The following SYNPR variants were observed in gnomAD, a reference collection of about 807,000 sequenced individuals.
SYNPR encodes synaptoporin.
A neutral mutation model predicts 32.9 loss-of-function variants in SYNPR; 23 were observed. That is an observed-to-expected ratio of 0.70 (90% confidence interval 0.50 to 0.99). SYNPR has a LOEUF of 0.99. Ranked by LOEUF, SYNPR falls within the 50% of genes least tolerant of loss-of-function variation. The pLI, the probability that SYNPR is intolerant of heterozygous loss-of-function variation, is 0.00. For missense variants in SYNPR, 318 were observed against 349.3 expected (o/e 0.91, Z 0.71); for synonymous variants, 146 against 135.9 (o/e 1.07, Z -0.52).
At position 63,414,261 on chromosome 3, in the gene SYNPR, G is replaced by A. The variant is rs151215661; in HGVS notation, c.85-66571G>A. Among the ~76,000 whole-genome samples, 26 of 152,164 alleles carry A rather than the reference G, an allele frequency of 1.7e-4. No individual in the cohort carries two copies. The East Asian group carries it at 5.0e-3, about 29-fold the overall frequency. On this transcript the variant is annotated intron_variant, in intron 2 of 5. Coordinates refer to ENST00000478300, the MANE Select transcript of SYNPR (RefSeq NM_001130003.2). ...AATGTAGTTGACAGTAATTAGTTTT[G>A]TGGGCTTTTTTCTTACAAATGTAAA...
chr3:63,466,455 T>G (rs903476090), intron 2 of SYNPR, among the ~76,000 whole-genome samples: 1 of 90,656 alleles, frequency 1.1e-5, no homozygotes, highest in African/African-American at 2.9e-5. Flanking sequence ...TCAGGATTTG[T>G]TTTTTTTTTT....
chr3:63,596,784 C>A (rs1484151400), intron 4 of SYNPR, among the ~76,000 whole-genome samples: 4 of 152,096 alleles, frequency 2.6e-5, no homozygotes, highest in Non-Finnish European at 5.9e-5. Context: ...CATTAATGAA[C>A]CCAAACAGGA....
At chr3:63,300,989 G>A (rs549364071) in intron 2 of SYNPR, among the ~76,000 whole-genome samples, 12 of 152,204 alleles carry the variant, frequency 7.9e-5, no homozygotes, top group East Asian at 1.9e-4. Context: ...AAAGGAAGAC[G>A]TAGAGTGTTG....
In SYNPR at chr3:63,444,930, G is replaced by A. The variant is rs560217829; in HGVS notation, c.85-35902G>A. Among the ~76,000 whole-genome samples, 6 of 150,254 alleles carry A rather than the reference G, an allele frequency of 4.0e-5. No homozygotes were observed. In the South Asian group the frequency reaches 1.3e-3, roughly 32 times the overall value. The stretch of plus-strand genomic sequence containing the variant: ...CGACAAACCTTAGCTGGAGCCAAGT[G>A]TATCTTAGCAGATAATTTGTTGGAA... On this transcript the variant is annotated intron_variant, in intron 2 of 5. Transcript: ENST00000478300.
Position 63,321,726 on chromosome 3 carries a change from C to T in SYNPR, c.84+42984C>T, listed in dbSNP as rs142159476. Reference sequence around the variant, plus strand: ...TAGGGAGTAAAGTCTGAAATTATAACCTCATGTCTTTGCACAGAAGTTCTC... The same window carrying T: ...TAGGGAGTAAAGTCTGAAATTATAATCTCATGTCTTTGCACAGAAGTTCTC... On this transcript the variant is annotated intron_variant, in intron 2 of 5. Coordinates refer to ENST00000478300, the MANE Select transcript of SYNPR (RefSeq NM_001130003.2). 3.0e-3 allele frequency among the ~76,000 whole-genome samples: 462 copies of T among 152,188 alleles called. 1 individual carries two copies. Among genetic ancestry groups the T allele is most frequent in the Non-Finnish European group, 4.9e-3 (330 of 67,970 alleles).
intron 2 of SYNPR, among the ~76,000 whole-genome samples, chr3:63,433,416 C>G (rs1700025749): frequency 6.6e-6 from 1 of 152,144 alleles, no homozygotes; most frequent in African/African-American, 2.4e-5. Context: ...AGAGGCACAG[C>G]TGAAGAAAGA....
chr3:63,607,425 C>T (rs972358681), intron 4 of SYNPR, among the ~76,000 whole-genome samples: 2 of 152,042 alleles, frequency 1.3e-5, no homozygotes, highest in Non-Finnish European at 2.9e-5. Context: ...TTTCTTTATT[C>T]CAAATGTTTG....
At chr3:63,593,569 T>C (rs956808775) in intron 4 of SYNPR, among the ~76,000 whole-genome samples, 1 of 152,106 alleles carries the variant, frequency 6.6e-6, no homozygotes, top group African/African-American at 2.4e-5. Context: ...CACAGATTAA[T>C]TGATAAAGTT....
intron 2 of SYNPR, among the ~76,000 whole-genome samples, chr3:63,257,948 C>T (rs1046469321): frequency 2.0e-5 from 3 of 152,054 alleles, no homozygotes; most frequent in African/African-American, 7.2e-5. Flanking sequence ...ATACTTTAAA[C>T]CAACAAAGAT....
chr3:63,517,036 G>A (rs192898933), intron 3 of SYNPR, among the ~76,000 whole-genome samples: 2 of 152,248 alleles, frequency 1.3e-5, no homozygotes, highest in Admixed American at 1.3e-4. Flanking sequence ...GATTCAAAAT[G>A]AACATAACCT....
intron 3 of SYNPR, chr3:63,267,562 T>C (rs2086500634): frequency 6.6e-6 from 1 of 152,148 alleles, no homozygotes; most frequent in African/African-American, 2.4e-5. Flanking sequence ...CTAAGGGCCC[T>C]CCTGCTCCAC....
At chr3:63,577,504 T>C (rs75772095) in intron 4 of SYNPR, among the ~76,000 whole-genome samples, 6 of 151,884 alleles carry the variant, frequency 4.0e-5, no homozygotes, top group Non-Finnish European at 7.4e-5. Context: ...GAAGGTCAAA[T>C]GTGAGAAAAA....
chr3:63,550,810 T>C (rs1337648153), intron 3 of SYNPR, among the ~76,000 whole-genome samples: 2 of 152,228 alleles, frequency 1.3e-5, no homozygotes, highest in Admixed American at 6.5e-5. Flanking sequence ...TTCTGATCTT[T>C]GTCTCAAGAT....
At chr3:63,598,590 T>C (rs889884001) in intron 4 of SYNPR, among the ~76,000 whole-genome samples, 3 of 152,200 alleles carry the variant, frequency 2.0e-5, no homozygotes, top group African/African-American at 7.2e-5. Context: ...AACCATGTTA[T>C]GAACTATGGG....
chr3:63,398,540 C>G (rs1203642600), intron 2 of SYNPR, among the ~76,000 whole-genome samples: 1 of 150,896 alleles, frequency 6.6e-6, no homozygotes, highest in East Asian at 2.0e-4. Flanking sequence ...AACCCCATCT[C>G]TACTAAAAAA....
chr3:63,454,730 C>G (rs1002827202), intron 2 of SYNPR, among the ~76,000 whole-genome samples: 1 of 151,730 alleles, frequency 6.6e-6, no homozygotes, highest in African/African-American at 2.4e-5. Flanking sequence ...AAGGTGAGGG[C>G]TCTGGGGTGG....
upstream of SYNPR, among the ~76,000 whole-genome samples, chr3:63,274,621 G>A (rs1201957177): frequency 1.3e-5 from 2 of 152,200 alleles, no homozygotes; most frequent in Non-Finnish European, 2.9e-5. Flanking sequence ...GCTTTGGGAA[G>A]ACAGGAAACT....
chr3:63,567,762 A>C (rs181883114), intron 4 of SYNPR, among the ~76,000 whole-genome samples: 23 of 152,336 alleles, frequency 1.5e-4, no homozygotes, highest in Admixed American at 1.1e-3. Flanking sequence ...ACTGATCTGA[A>C]TCCCTTATGA....
intron 3 of SYNPR, among the ~76,000 whole-genome samples, chr3:63,508,856 T>A (rs978016401): frequency 1.4e-4 from 22 of 152,146 alleles, no homozygotes; most frequent in African/African-American, 5.1e-4. Context: ...AAGAAGGTAC[T>A]AGGCAGGAAG....
Sources: gnomAD v4.1 joint callset for allele counts (sites outside exome capture counted in the v4.1 genomes callset) on GRCh38, gnomAD v4.1.1 for gene constraint, MANE v1.5 for transcripts, NCBI Gene and HGNC (gene_info 2026-07-23, HGNC 2026-07-21) for gene names.